EFL1: variants seen among roughly 807,000 people sequenced by gnomAD.
EFL1 encodes elongation factor like GTPase 1, also known as elongation factor-like GTPase 1.
In EFL1, 76 loss-of-function variants were observed where a neutral mutation model predicts 126.7. That is an observed-to-expected ratio of 0.60 (90% CI 0.50 to 0.73). The LOEUF (loss-of-function observed/expected upper bound fraction) is 0.73, where lower values mean the gene tolerates loss of function less well. EFL1 is among the 30% of genes least tolerant of loss of function. The pLI, the probability that EFL1 is intolerant of heterozygous loss-of-function variation, is 0.00. For missense variants in EFL1, 1,128 were observed against 1,343.2 expected, an observed-to-expected ratio of 0.84 and a Z score of 2.50; for synonymous variants, 410 against 448.4, an observed-to-expected ratio of 0.91 and a Z score of 1.08.
rs149883651 is a variant in EFL1, at chr15:82,228,182, A to G, written c.1069+9T>C. ...CTATTTCATTAAAAACCATTAGAAT[A>G]AAGGATACCAAGAACAGCATGGGAT... On this transcript the variant is annotated intron_variant, in intron 10 of 19. Coordinates refer to ENST00000268206, the MANE Select transcript of EFL1 (RefSeq NM_024580.6). 156 of 1,600,024 alleles carry G rather than the reference A, an allele frequency of 9.7e-5. No homozygotes were observed. The African/African-American group carries it at 2.0e-3, about 20-fold the overall frequency.
At chr15:82,140,166 A>T (rs1481145734) in intron 18 of EFL1, among the ~76,000 whole-genome samples, 1 of 152,152 alleles carries the variant, frequency 6.6e-6, no homozygotes, top group Admixed American at 6.5e-5. Flanking sequence ...CTACTTCCCC[A>T]GCTAGCTACT....
intron 15 of EFL1, among the ~76,000 whole-genome samples, chr15:82,213,530 T>C (rs1343156363): frequency 6.6e-6 from 1 of 152,192 alleles, no homozygotes; most frequent in Non-Finnish European, 1.5e-5. Context: ...TCTCATCCTC[T>C]ACTAGGGAAA....
chr15:82,189,870 CT>C (rs2074340272), intron 15 of EFL1, among the ~76,000 whole-genome samples: 1 of 152,122 alleles, frequency 6.6e-6, no homozygotes. Flanking sequence ...AATCCCAGCA[CT>C]TTGGTAGGCT....
intron 7 of EFL1, among the ~76,000 whole-genome samples, chr15:82,233,134 T>G (rs753180268): frequency 6.6e-6 from 1 of 152,228 alleles, no homozygotes; most frequent in Non-Finnish European, 1.5e-5. Context: ...TTCACACATG[T>G]GTACACATAC....
At chr15:82,183,595 G>A (rs563518922) in intron 15 of EFL1, among the ~76,000 whole-genome samples, 1 of 152,308 alleles carries the variant, frequency 6.6e-6, no homozygotes, top group African/African-American at 2.4e-5. Flanking sequence ...CCCTAAATCT[G>A]ATGGAAGGAG....
chr15:82,219,802 C>T lies in EFL1; in HGVS notation c.1461G>A (p.Val487=), dbSNP rs2074690219. ...GCACAGGTTTAGGGGTCATACTTTC[C>T]ACCTGTTGCTCGTCACCTGACAGAA... ...GEEPRGDEQQ[V]ESMTPKPVLQ... is the part of the protein sequence containing the mutation. Residue 487 remains valine (V), a synonymous_variant, in exon 14 of 20, where the codon GTG becomes GTA. Transcript: ENST00000268206. 3.1e-6 allele frequency: 5 copies of T among 1,605,864 alleles called. No homozygotes were observed. The highest frequency in any genetic ancestry group is 4.2e-6 in the Non-Finnish European group (5 of 1,178,072).
rs558016849 is a variant in EFL1, at chr15:82,228,442, G to A, written c.933-115C>T. 5 of 1,338,578 alleles carry A rather than the reference G, an allele frequency of 3.7e-6. No homozygotes were observed. The South Asian group carries it at 4.7e-5, about 13-fold the overall frequency. The allele number at this position is 1,338,578 out of a possible 1,614,324, so 82.9% of individuals were successfully genotyped here. On this transcript the variant is annotated intron_variant, in intron 9 of 19. Coordinates refer to ENST00000268206, the MANE Select transcript of EFL1 (RefSeq NM_024580.6). ...CTAATGTGTTACTTTTTCAAAAAAA[G>A]CTAAAAATGATTGAAGGGAATCCTG...
rs17354428 is a variant in EFL1 at position 82,152,716 on chromosome 15, T to C, written c.2031-293A>G. On this transcript the variant is annotated intron_variant, in intron 17 of 19. Transcript: ENST00000268206. ...TATAAACCACCCATTTAGATAAGAATGTTTTGAGCAGAAAATAAATGTTTT... is the reference window on the plus strand; with the variant it reads ...TATAAACCACCCATTTAGATAAGAACGTTTTGAGCAGAAAATAAATGTTTT... 4.8e-3 allele frequency among the ~76,000 whole-genome samples: 736 copies of C among 152,240 alleles called. 6 individuals are homozygous for C. The highest frequency in any genetic ancestry group is 8.3e-3 in the Non-Finnish European group (567 of 68,016).
Position 82,228,331 on chromosome 15 carries a change from T to A in EFL1, c.933-4A>T, listed in dbSNP as rs370379199. 33 of 1,612,750 alleles carry A rather than the reference T, an allele frequency of 2.0e-5. No individual in the cohort carries two copies. The African/African-American group carries it at 4.0e-4, about 20-fold the overall frequency. ...TTTATCAATTTTGTCTTTGTCCCTG[T>A]GGTAAACACAAGATTGGAGAGGGGA... On this transcript the variant is annotated splice_polypyrimidine_tract_variant and splice_region_variant and intron_variant, in intron 9 of 19. Coordinates refer to ENST00000268206, the MANE Select transcript of EFL1 (RefSeq NM_024580.6).
intron 15 of EFL1, among the ~76,000 whole-genome samples, chr15:82,164,713 C>T (rs1203715017): frequency 6.6e-6 from 1 of 151,508 alleles, no homozygotes; most frequent in African/African-American, 2.4e-5. Context: ...CTGGCTAACA[C>T]GGTGAAACCC....
intron 3 of EFL1, among the ~76,000 whole-genome samples, chr15:82,253,739 C>G (rs1272094002): frequency 6.6e-6 from 1 of 152,058 alleles, no homozygotes; most frequent in Non-Finnish European, 1.5e-5. Context: ...TGTAATATGA[C>G]CATTTAGTTG....
chr15:82,233,292 C>T (rs1251343129), intron 7 of EFL1, among the ~76,000 whole-genome samples: 4 of 152,256 alleles, frequency 2.6e-5, no homozygotes, highest in East Asian at 1.9e-4. Context: ...AATTTTTAAA[C>T]ACTGACAATT....
intron 15 of EFL1, among the ~76,000 whole-genome samples, chr15:82,205,025 A>G (rs2074509764): frequency 1.3e-5 from 2 of 152,246 alleles, no homozygotes; most frequent in Non-Finnish European, 2.9e-5. Context: ...CAAGCCTATC[A>G]GCTGAGTTTG....
chr15:82,240,438 G>C lies in EFL1; in HGVS notation c.496C>G (p.Leu166Val), dbSNP rs2141326600. Residue 166 changes from leucine (L) to valine (V), a missense_variant, in exon 6 of 20, where the codon CTC becomes GTC. Leu to Val is a conservative substitution (Grantham distance 32). Coordinates refer to ENST00000268206, the MANE Select transcript of EFL1 (RefSeq NM_024580.6). ...KFTPQEAYSH[L>V]KNILEQINAL... ...AATACCTGTTCTAAAATATTCTTGA[G>C]GTGAGAATAGGCCTCTTGTGGGGTG... The C allele has an allele frequency of 2.5e-6, 4 of 1,608,002 alleles. No individual in the cohort carries two copies. Among genetic ancestry groups the C allele is most frequent in the Non-Finnish European group, 3.4e-6 (4 of 1,176,778 alleles).
intron 15 of EFL1, among the ~76,000 whole-genome samples, chr15:82,202,467 T>C (rs2074479383): frequency 6.6e-6 from 1 of 152,226 alleles, no homozygotes; most frequent in African/African-American, 2.4e-5. Context: ...AAATCAGTGA[T>C]AACAATTATG....
chr15:82,218,227 T>C (rs1341148598), intron 14 of EFL1, among the ~76,000 whole-genome samples: 4 of 152,174 alleles, frequency 2.6e-5, no homozygotes, highest in Admixed American at 2.6e-4. Flanking sequence ...ATCTGTAATA[T>C]GCAGTAGCAG....
intron 4 of EFL1, among the ~76,000 whole-genome samples, chr15:82,246,489 T>C (rs76494406): frequency 0.15 from 22,271 of 151,992 alleles, 1,894 homozygotes; most frequent in South Asian, 0.38. Context: ...GAGAGAGTAA[T>C]TGTAGGATAA....
At position 82,220,147 on chromosome 15, in the gene EFL1, G is replaced by T. The variant is rs528287650; in HGVS notation, c.1375C>A (p.Gln459Lys). The stretch of plus-strand genomic sequence containing the variant: ...TCTTGGGTGGGCTCCAAGGGTGCCT[G>T]TCCCTGTGCTGCTGCAAGCTTCTCT... ...HAEKLAAAQG[Q>K]APLEPTQDGS... Residue 459 changes from glutamine (Q) to lysine (K), a missense_variant, in exon 13 of 20, where the codon CAG becomes AAG. Transcript: ENST00000268206. 1.8e-5 allele frequency: 29 copies of T among 1,613,894 alleles called. No individual in the cohort carries two copies. The African/African-American group carries it at 3.6e-4, about 20-fold the overall frequency.
intron 15 of EFL1, among the ~76,000 whole-genome samples, chr15:82,214,031 C>G (rs919732484): frequency 1.1e-4 from 16 of 152,126 alleles, no homozygotes; most frequent in Non-Finnish European, 2.2e-4. Context: ...GGAGAATTCC[C>G]AAACCAAGCA....
Sources: allele counts gnomAD v4.1 joint callset (sites outside exome capture counted in the v4.1 genomes callset), GRCh38; gene constraint gnomAD v4.1.1; transcripts MANE v1.5; gene names NCBI Gene and HGNC (gene_info 2026-07-23, HGNC 2026-07-21).